Variants in CACNA2D1 observed in about 807,000 individuals in gnomAD.
CACNA2D1 encodes calcium voltage-gated channel auxiliary subunit alpha2delta 1.
CACNA2D1 carries 53 observed loss-of-function variants against 171.5 expected under a neutral mutation model. The observed-to-expected ratio is 0.31, with a 90% confidence interval of 0.25 to 0.39. CACNA2D1 has a LOEUF of 0.39. CACNA2D1 is among the 10% of genes least tolerant of loss of function. CACNA2D1 has a pLI of 1.00. For missense variants in CACNA2D1, 903 were observed against 1,299.8 expected (o/e 0.69, Z 4.69); for synonymous variants, 442 against 443.1 (o/e 1.00, Z 0.03).
intron 3 of CACNA2D1, among the ~76,000 whole-genome samples, chr7:82,241,078 C>T (rs546546921): frequency 5.3e-4 from 81 of 152,246 alleles, no homozygotes; most frequent in African/African-American, 1.8e-3. Flanking sequence ...AGGGATCTCA[C>T]TCAGTCCTTA....
intron 3 of CACNA2D1, 52 bp from the exon 4 acceptor site, chr7:82,170,661 T>C: frequency 2.6e-6 from 4 of 1,514,526 alleles, no homozygotes; most frequent in Non-Finnish European, 3.7e-6. Context: ...TAATATGGAA[T>C]TGTTATATAA....
intron 3 of CACNA2D1, among the ~76,000 whole-genome samples, chr7:82,235,843 T>G (rs531543123): frequency 6.6e-6 from 1 of 152,224 alleles, no homozygotes; most frequent in South Asian, 2.1e-4. Context: ...ATGGCCTGGA[T>G]GTAGTCCTAA....
intron 4 of CACNA2D1, among the ~76,000 whole-genome samples, chr7:82,160,038 T>C (rs939902297): frequency 4.0e-5 from 6 of 151,684 alleles, no homozygotes; most frequent in African/African-American, 1.5e-4. Flanking sequence ...TATTCCTACT[T>C]CAATCTCAAG....
intron 12 of CACNA2D1, chr7:82,029,287 A>G (rs1802348758): frequency 6.6e-6 from 1 of 151,782 alleles, no homozygotes; most frequent in African/African-American, 2.4e-5. Context: ...TAAGGTATGT[A>G]CTTTTTTTAG....
intron 6 of CACNA2D1, among the ~76,000 whole-genome samples, chr7:82,096,784 G>GA (rs1175306497): frequency 6.6e-6 from 1 of 151,408 alleles, no homozygotes. Flanking sequence ...ATCCTAGAAA[G>GA]AAAAAGGTCT....
intron 1 of CACNA2D1, among the ~76,000 whole-genome samples, chr7:82,400,973 C>T (rs1194180984): frequency 2.0e-5 from 3 of 152,056 alleles, no homozygotes; most frequent in Non-Finnish European, 4.4e-5. Context: ...CATCACTGGC[C>T]GTCAGAGAAA....
intron 4 of CACNA2D1, among the ~76,000 whole-genome samples, chr7:82,146,144 A>G (rs1048513528): frequency 2.0e-5 from 3 of 151,952 alleles, no homozygotes; most frequent in Admixed American, 2.0e-4. Flanking sequence ...TAATAGATCC[A>G]TGTGTCTTTA....
At chr7:82,349,442 T>C in intron 2 of CACNA2D1, 126 bp downstream of exon 2, 2 of 833,628 alleles carry the variant, frequency 2.4e-6, no homozygotes, top group Non-Finnish European at 4.2e-6. Flanking sequence ...CTCTCAGAAT[T>C]TCACCACCAG....
chr7:82,355,234 A>G (rs1256330122), intron 1 of CACNA2D1, among the ~76,000 whole-genome samples: 1 of 152,148 alleles, frequency 6.6e-6, no homozygotes, highest in Admixed American at 6.6e-5. Flanking sequence ...TCTTTCTCTT[A>G]GAAATAAATA....
intron 37 of CACNA2D1, 24 bp downstream of exon 37, chr7:81,959,696 G>C: frequency 6.2e-7 from 1 of 1,604,750 alleles, no homozygotes; most frequent in South Asian, 1.1e-5. Context: ...TTCCTTTCCA[G>C]ATAGCTCTGA....
intron 1 of CACNA2D1, among the ~76,000 whole-genome samples, chr7:82,392,793 A>G (rs1043224599): frequency 6.6e-6 from 1 of 152,154 alleles, no homozygotes; most frequent in East Asian, 1.9e-4. Context: ...CTTTTCCCAT[A>G]TCAATACAAC....
intron 1 of CACNA2D1, among the ~76,000 whole-genome samples, chr7:82,432,651 A>C (rs1829789111): frequency 6.6e-6 from 1 of 152,102 alleles, no homozygotes; most frequent in African/African-American, 2.4e-5. Flanking sequence ...GTGGTTTTTT[A>C]ATCTTCTAGA....
chr7:82,287,119 T>C (rs1338448370), intron 3 of CACNA2D1, among the ~76,000 whole-genome samples: 1 of 152,198 alleles, frequency 6.6e-6, no homozygotes, highest in African/African-American at 2.4e-5. Flanking sequence ...CCAAGGGTAA[T>C]GACAATTAGC....
intron 4 of CACNA2D1, among the ~76,000 whole-genome samples, chr7:82,146,622 G>A (rs1012890148): frequency 6.6e-6 from 1 of 150,622 alleles, no homozygotes; most frequent in African/African-American, 2.4e-5. Flanking sequence ...AGCAGTGTCT[G>A]GAATGCTGTA....
intron 1 of CACNA2D1, among the ~76,000 whole-genome samples, chr7:82,358,960 G>A (rs142854922): frequency 1.1e-3 from 166 of 152,000 alleles, no homozygotes; most frequent in African/African-American, 3.9e-3. Context: ...TTATACTTTG[G>A]GGTTGATAGT....
intron 34 of CACNA2D1, 114 bp downstream of exon 34, chr7:81,963,942 C>G (rs1794435381): frequency 1.2e-6 from 1 of 825,582 alleles, no homozygotes; most frequent in Non-Finnish European, 2.0e-6. Context: ...ATGAAAACAA[C>G]TTAACTCCCT....
At chr7:81,986,053 CAT>C (rs1166487640) in intron 21 of CACNA2D1, among the ~76,000 whole-genome samples, 1 of 152,190 alleles carries the variant, frequency 6.6e-6, no homozygotes, top group Admixed American at 6.5e-5. Flanking sequence ...AACACAACTG[CAT>C]ATGTGTAATT....
At chr7:82,157,985 CAT>C (rs757394005) in intron 4 of CACNA2D1, among the ~76,000 whole-genome samples, 5 of 151,878 alleles carry the variant, frequency 3.3e-5, no homozygotes, top group African/African-American at 9.6e-5. Flanking sequence ...GCTGAATAAA[CAT>C]ATATGTTTAC....
chr7:82,292,001 G>GCA (rs148233897), intron 3 of CACNA2D1, among the ~76,000 whole-genome samples: 10,830 of 148,216 alleles, frequency 0.073, 684 homozygotes, highest in African/African-American at 0.16. Context: ...ACACATGCAC[G>GCA]CACACACACA....
Sources: allele counts gnomAD v4.1 joint callset (sites outside exome capture counted in the v4.1 genomes callset), GRCh38; gene constraint gnomAD v4.1.1; transcripts MANE v1.5; gene names NCBI Gene and HGNC (gene_info 2026-07-23, HGNC 2026-07-21).